The following TACC1 variants were observed in gnomAD, a reference collection of about 807,000 sequenced individuals.
TACC1 encodes the protein transforming acidic coiled-coil-containing protein 1.
Under a neutral mutation model 84.4 loss-of-function variants are expected in TACC1, and 48 were observed. That is an observed-to-expected ratio of 0.57 (90% CI 0.45 to 0.72). TACC1 has a LOEUF of 0.72. Among genes scored for constraint, TACC1 ranks in the 30% least tolerant of loss-of-function variants. The pLI, the probability that TACC1 is intolerant of heterozygous loss-of-function variation, is 0.00. For synonymous variants in TACC1, 372 were observed against 376.3 expected (o/e 0.99, Z 0.13); for missense variants, 920 against 973.0 (o/e 0.95, Z 0.72).
At chr8:38,783,985 A>T (rs1225844050), upstream of TACC1, among the ~76,000 whole-genome samples, 1 of 152,202 alleles carries the variant, frequency 6.6e-6, no homozygotes, top group Non-Finnish European at 1.5e-5. Flanking sequence ...TGTTGTCTTG[A>T]TTAGACATCA....
At chr8:38,829,554 G>A (rs890810787) in intron 5 of TACC1, among the ~76,000 whole-genome samples, 2 of 151,980 alleles carry the variant, frequency 1.3e-5, no homozygotes, top group African/African-American at 4.8e-5. Context: ...CCCCCTTCCT[G>A]TTCCACAGTA....
At chr8:38,795,323 C>G (rs892150991) in intron 2 of TACC1, among the ~76,000 whole-genome samples, 1 of 152,200 alleles carries the variant, frequency 6.6e-6, no homozygotes, top group African/African-American at 2.4e-5. Flanking sequence ...ACTATCAAAT[C>G]ACAATTTTTC....
intron 3 of TACC1, among the ~76,000 whole-genome samples, chr8:38,762,801 C>A (rs1023344958): frequency 1.3e-5 from 2 of 152,184 alleles, no homozygotes; most frequent in Non-Finnish European, 2.9e-5. Context: ...AGGTGATCCA[C>A]CCGCCTCGGC....
chr8:38,815,981 A>G (rs1825355646), intron 2 of TACC1, among the ~76,000 whole-genome samples: 1 of 151,712 alleles, frequency 6.6e-6, no homozygotes, highest in African/African-American at 2.4e-5. Context: ...AAAAAAAAGA[A>G]TAAAATTTAT....
chr8:38,745,277 G>A (rs1235728166), exon 3 of TACC1: 3 of 513,986 alleles, frequency 5.8e-6, no homozygotes, highest in Non-Finnish European at 1.0e-5. Context: ...TCGCAGTTCA[G>A]GCCCAGCAAG....
chr8:38,827,166 A>G lies in TACC1; in HGVS notation c.1453-2A>G. 1.9e-6 allele frequency: 3 copies of G among 1,612,558 alleles called. No individual in the cohort carries two copies. The highest frequency in any genetic ancestry group is 2.5e-6 in the Non-Finnish European group (3 of 1,179,466). On this transcript the variant is annotated splice_acceptor_variant, in intron 4 of 12. Transcript: ENST00000317827. LOFTEE classifies it high-confidence loss of function. ...TAGCATCTTCTCTGTTGTGTTTCTC[A>G]GGATGAAGGGGCAGTGATCTCCCAG...
intron 3 of TACC1, among the ~76,000 whole-genome samples, chr8:38,746,177 G>A (rs1045363522): frequency 6.6e-6 from 1 of 152,150 alleles, no homozygotes; most frequent in Non-Finnish European, 1.5e-5. Context: ...AGCTCTCTAT[G>A]ATGAAGTTTA....
chr8:38,747,997 C>A (rs1294403322), intron 3 of TACC1, among the ~76,000 whole-genome samples: 1 of 151,986 alleles, frequency 6.6e-6, no homozygotes, highest in Non-Finnish European at 1.5e-5. Flanking sequence ...CTCAATTTAG[C>A]TGTGAATCTA....
chr8:38,815,979 GAAT>G (rs1374900831), intron 2 of TACC1, among the ~76,000 whole-genome samples: 2 of 145,912 alleles, frequency 1.4e-5, no homozygotes, highest in African/African-American at 2.5e-5. Flanking sequence ...AAAAAAAAAA[GAAT>G]AAAATTTATT....
chr8:38,845,313 C>T (rs1478136283), intron 11 of TACC1, among the ~76,000 whole-genome samples: 1 of 152,184 alleles, frequency 6.6e-6, no homozygotes, highest in East Asian at 1.9e-4. Flanking sequence ...GTTCCCCTGT[C>T]CCCTTCCCAC....
chr8:38,799,427 G>A (rs1820816952), intron 2 of TACC1, among the ~76,000 whole-genome samples: 1 of 152,156 alleles, frequency 6.6e-6, no homozygotes, highest in Non-Finnish European at 1.5e-5. Flanking sequence ...TAAGGCCCCT[G>A]TGGGGCTCCG....
intron 3 of TACC1, among the ~76,000 whole-genome samples, chr8:38,780,554 A>G (rs1587598840): frequency 6.7e-6 from 1 of 149,444 alleles, no homozygotes; most frequent in Non-Finnish European, 1.5e-5. Flanking sequence ...AGATCTGGCT[A>G]TTTTTGCATA....
chr8:38,832,787 C>T (rs140430810), intron 6 of TACC1, among the ~76,000 whole-genome samples: 2 of 152,256 alleles, frequency 1.3e-5, no homozygotes, highest in East Asian at 1.9e-4. Flanking sequence ...TGTTAGAGTA[C>T]GGCAGGGGCT....
chr8:38,801,916 T>G (rs113532297), intron 2 of TACC1, among the ~76,000 whole-genome samples: 3,612 of 152,228 alleles, frequency 0.024, 133 homozygotes, highest in African/African-American at 0.075. Flanking sequence ...TTGTTGTTGT[T>G]GTTTGTTTGT....
chr8:38,774,124 C>T lies in TACC1; in HGVS notation c.27-14580C>T, dbSNP rs900634084. Among the ~76,000 whole-genome samples the T allele has an allele frequency of 7.2e-5, 11 of 152,272 alleles. No homozygotes were observed. In the East Asian group the frequency reaches 1.9e-3, roughly 27 times the overall value. On this transcript the variant is annotated intron_variant, in intron 3 of 14. Transcript: ENST00000518415. The stretch of plus-strand genomic sequence containing the variant: ...TGTCCTTAGTGTCTTGATGAAGGAA[C>T]GCTGTTACCCTACACTTCACCCAGG...
chr8:38,815,147 A>G (rs1825136376), intron 2 of TACC1, among the ~76,000 whole-genome samples: 1 of 152,204 alleles, frequency 6.6e-6, no homozygotes, highest in South Asian at 2.1e-4. Context: ...ACCAGGATAA[A>G]GATGTTAAAA....
intron 2 of TACC1, among the ~76,000 whole-genome samples, chr8:38,789,302 C>G (rs1325461294): frequency 6.6e-6 from 1 of 152,166 alleles, no homozygotes; most frequent in Non-Finnish European, 1.5e-5. Context: ...CTTAGGAAAA[C>G]CTGGCACATG....
chr8:38,820,122 A>C lies in TACC1; in HGVS notation c.878A>C (p.Glu293Ala), dbSNP rs779448671. Residue 293 changes from glutamate to alanine, a missense_variant, in exon 3 of 13, where the codon GAA becomes GCA. This residue lies in a region of TACC1 where 762 missense variants were observed against 747.3 expected (regional missense o/e 1.02). Coordinates refer to ENST00000317827, the MANE Select transcript of TACC1 (RefSeq NM_006283.3). ...CAGAAGTCTCCCCCTGACCTTAAAG[A>C]AACTCCCGGCACTCTCAGTAGTGAC... Reference protein sequence around the residue: ...RFQKSPPDLKETPGTLSSDTN... With the variant: ...RFQKSPPDLKATPGTLSSDTN... 2.5e-6 allele frequency: 4 copies of C among 1,613,968 alleles called. No individual in the cohort carries two copies. The highest frequency in any genetic ancestry group is 3.3e-5 in the Admixed American group (2 of 59,980).
intron 10 of TACC1, 149 bp downstream of exon 10, chr8:38,842,596 A>AATAG: frequency 2.2e-6 from 2 of 920,984 alleles, no homozygotes; most frequent in Non-Finnish European, 1.6e-6. Flanking sequence ...TATTCCAGTG[A>AATAG]AGCTGGATTT....
Sources: gnomAD v4.1 joint callset for allele counts (sites outside exome capture counted in the v4.1 genomes callset) on GRCh38, gnomAD v4.1.1 for gene constraint, gnomAD v4.1.1 regional missense constraint, MANE v1.5 for transcripts, NCBI Gene and HGNC (gene_info 2026-07-23, HGNC 2026-07-21) for gene names.